COL25A1: variants seen among roughly 807,000 people sequenced by gnomAD.
The protein encoded by COL25A1 is collagen alpha-1(XXV) chain.
Under a neutral mutation model 128.4 loss-of-function variants are expected in COL25A1, and 103 were observed. The ratio of observed to expected loss-of-function variants is 0.80; its 90% confidence interval spans 0.68 to 0.94. COL25A1 has a LOEUF of 0.94. Ranked by LOEUF, COL25A1 falls within the 40% of genes least tolerant of loss-of-function variation. COL25A1 has a pLI of 0.00. For synonymous variants in COL25A1, 279 were observed against 277.2 expected (o/e 1.01, Z -0.06); for missense variants, 745 against 840.0 (o/e 0.89, Z 1.40).
intron 3 of COL25A1, among the ~76,000 whole-genome samples, chr4:109,167,947 G>A (rs1160661031): frequency 1.3e-5 from 2 of 151,978 alleles, no homozygotes. Context: ...TGTTTATCTT[G>A]GCCTCCATTC....
intron 13 of COL25A1, among the ~76,000 whole-genome samples, chr4:108,916,600 A>G (rs1028389952): frequency 3.3e-5 from 5 of 151,608 alleles, no homozygotes; most frequent in Non-Finnish European, 1.5e-5. Context: ...CACCAATGTC[A>G]AAAACAACAT....
chr4:109,010,643 G>A (rs1561019439), intron 5 of COL25A1, among the ~76,000 whole-genome samples: 1 of 152,018 alleles, frequency 6.6e-6, no homozygotes, highest in East Asian at 1.9e-4. Context: ...AATTTAATTG[G>A]AAAAAGAGAA....
intron 20 of COL25A1, among the ~76,000 whole-genome samples, chr4:108,865,991 A>T (rs1737860101): frequency 6.6e-6 from 1 of 152,094 alleles, no homozygotes. Flanking sequence ...AAATTATATT[A>T]TTTGTCTACT....
At chr4:109,211,224 G>T (rs921130231) in intron 3 of COL25A1, among the ~76,000 whole-genome samples, 12 of 101,146 alleles carry the variant, frequency 1.2e-4, no homozygotes, top group South Asian at 3.0e-4. Flanking sequence ...TATATATATT[G>T]TGTGTGTGTA....
intron 11 of COL25A1, among the ~76,000 whole-genome samples, chr4:108,927,271 C>T (rs773432393): frequency 2.0e-5 from 3 of 152,072 alleles, no homozygotes; most frequent in Non-Finnish European, 2.9e-5. Flanking sequence ...TATATTTTAA[C>T]ATATTTACCT....
At chr4:109,130,389 G>A (rs1769070919) in intron 3 of COL25A1, among the ~76,000 whole-genome samples, 1 of 152,000 alleles carries the variant, frequency 6.6e-6, no homozygotes, top group Non-Finnish European at 1.5e-5. Context: ...AATAGTAATA[G>A]AAGGTAGCAC....
intron 8 of COL25A1, among the ~76,000 whole-genome samples, chr4:108,965,980 C>T (rs946435786): frequency 6.6e-6 from 1 of 152,110 alleles, no homozygotes; most frequent in African/African-American, 2.4e-5. Context: ...TCTTGATATG[C>T]AATTTTCTTT....
chr4:108,898,583 T>C (rs1742425851), intron 15 of COL25A1, among the ~76,000 whole-genome samples: 2 of 152,168 alleles, frequency 1.3e-5, no homozygotes, highest in Non-Finnish European at 2.9e-5. Flanking sequence ...CTCTTCCTGT[T>C]TCTCTTTTTG....
At chr4:109,178,017 C>A (rs1774255175) in intron 3 of COL25A1, among the ~76,000 whole-genome samples, 1 of 152,110 alleles carries the variant, frequency 6.6e-6, no homozygotes, top group Non-Finnish European at 1.5e-5. Context: ...TATTTTCGTC[C>A]ATTATAATAG....
At chr4:108,848,559 C>T (rs1735377477) in intron 27 of COL25A1, among the ~76,000 whole-genome samples, 200 bp downstream of exon 27, 1 of 152,094 alleles carries the variant, frequency 6.6e-6, no homozygotes, top group Non-Finnish European at 1.5e-5. Flanking sequence ...AAGAACAAAA[C>T]TGAAGTATCA....
chr4:108,908,997 A>G (rs1743884402), intron 13 of COL25A1, among the ~76,000 whole-genome samples: 1 of 152,212 alleles, frequency 6.6e-6, no homozygotes, highest in African/African-American at 2.4e-5. Context: ...TAGGTTCACA[A>G]TAGTGATGTA....
At chr4:109,249,078 G>A (rs955032527) in intron 3 of COL25A1, among the ~76,000 whole-genome samples, 3 of 152,158 alleles carry the variant, frequency 2.0e-5, no homozygotes, top group Non-Finnish European at 4.4e-5. Context: ...ACACTGTCCA[G>A]GAATGTCTTC....
At chr4:109,259,251 T>C (rs1781276759) in intron 3 of COL25A1, among the ~76,000 whole-genome samples, 1 of 152,192 alleles carries the variant, frequency 6.6e-6, no homozygotes. Context: ...CAAACTACTT[T>C]TCACAATGAG....
chr4:108,897,619 GCA>G (rs2125858650), intron 15 of COL25A1, among the ~76,000 whole-genome samples: 1 of 152,298 alleles, frequency 6.6e-6, no homozygotes, highest in East Asian at 1.9e-4. Context: ...TGTGTGTAAA[GCA>G]ACTAGGGCAG....
chr4:109,180,390 GTT>G (rs1464684931), intron 3 of COL25A1, among the ~76,000 whole-genome samples: 1 of 152,062 alleles, frequency 6.6e-6, no homozygotes, highest in East Asian at 1.9e-4. Context: ...GGATAGTAAA[GTT>G]TATTCATTTA....
intron 25 of COL25A1, 91 bp downstream of exon 25, chr4:108,852,811 A>G: frequency 1.0e-6 from 1 of 980,704 alleles, no homozygotes; most frequent in Non-Finnish European, 1.6e-6. Flanking sequence ...TATCAGATAA[A>G]AACAATAGCT....
chr4:108,968,604 T>C (rs1751581239), intron 8 of COL25A1, among the ~76,000 whole-genome samples: 1 of 152,042 alleles, frequency 6.6e-6, no homozygotes. Context: ...TAAGTGTGAG[T>C]ATTTTTAAAG....
chr4:109,131,763 C>T (rs973576034), intron 3 of COL25A1, among the ~76,000 whole-genome samples: 19 of 152,318 alleles, frequency 1.2e-4, no homozygotes, highest in South Asian at 6.2e-4. Context: ...CTCCTCACCT[C>T]CCCATTCACC....
intron 3 of COL25A1, among the ~76,000 whole-genome samples, chr4:109,144,220 C>T (rs1326966911): frequency 1.3e-5 from 2 of 152,288 alleles, no homozygotes; most frequent in South Asian, 2.1e-4. Flanking sequence ...GTATCACCAG[C>T]GGAGGCTGCA....
Sources: allele counts gnomAD v4.1 joint callset (sites outside exome capture counted in the v4.1 genomes callset), GRCh38; gene constraint gnomAD v4.1.1; transcripts MANE v1.5; gene names NCBI Gene and HGNC (gene_info 2026-07-23, HGNC 2026-07-21).